The following TTC7B variants were observed in gnomAD, a reference collection of about 807,000 sequenced individuals.
The protein encoded by TTC7B is tetratricopeptide repeat domain 7B.
Under a neutral mutation model 106.8 loss-of-function variants are expected in TTC7B, and 28 were observed. The ratio of observed to expected loss-of-function variants is 0.26; its 90% CI spans 0.19 to 0.36. The LOEUF (loss-of-function observed/expected upper bound fraction) is 0.36, where lower values mean the gene tolerates loss of function less well. Ranked by LOEUF, TTC7B falls within the 10% of genes least tolerant of loss-of-function variation. The pLI, the probability that TTC7B is intolerant of heterozygous loss-of-function variation, is 1.00. For missense variants in TTC7B, 862 were observed against 1,076.4 expected, an observed-to-expected ratio of 0.80 and a Z score of 2.79; for synonymous variants, 405 against 430.6, an observed-to-expected ratio of 0.94 and a Z score of 0.74.
intron 15 of TTC7B, among the ~76,000 whole-genome samples, chr14:90,619,035 C>T (rs1893202148): frequency 6.6e-6 from 1 of 152,188 alleles, no homozygotes; most frequent in South Asian, 2.1e-4. Flanking sequence ...TCCTGAGTAG[C>T]TGGGATTACA....
chr14:90,594,963 G>A (rs1487151175), intron 17 of TTC7B, among the ~76,000 whole-genome samples: 2 of 152,212 alleles, frequency 1.3e-5, no homozygotes, highest in Non-Finnish European at 2.9e-5. Flanking sequence ...TGCCCACAAG[G>A]ACGACCAAGA....
rs1240960501 is a variant in TTC7B, at chr14:90,526,096, A to C, written c.*15272T>G. ...AATTCTATGTCTAACTTTTTAAGAA[A>C]CTGCCAAACTGTTTTCCAAAGTGGC... is the stretch of plus-strand genomic sequence containing the variant. On this transcript the variant is annotated 3_prime_UTR_variant, in exon 20 of 20. Coordinates refer to ENST00000328459, the MANE Select transcript of TTC7B (RefSeq NM_001010854.2). 1 of 152,204 alleles carries C rather than the reference A, an allele frequency of 6.6e-6. No homozygotes were observed. Among genetic ancestry groups the C allele is most frequent in the Non-Finnish European group, 1.5e-5 (1 of 68,038 alleles). The allele number at this position is 152,204 out of a possible 1,614,324, so 9.4% of individuals were successfully genotyped here.
At chr14:90,658,473 T>C in intron 9 of TTC7B, 86 bp from the exon 10 acceptor site, 3 of 1,270,598 alleles carry the variant, frequency 2.4e-6, no homozygotes, top group Non-Finnish European at 3.4e-6. Context: ...CTATGCACAC[T>C]AAGGTAAGTC....
chr14:90,649,535 C>A (rs1168448754), intron 13 of TTC7B, among the ~76,000 whole-genome samples: 2 of 152,146 alleles, frequency 1.3e-5, no homozygotes, highest in Non-Finnish European at 2.9e-5. Flanking sequence ...TCTAAAGCAG[C>A]CTCATAAACT....
At chr14:90,686,371 C>G (rs938214422) in intron 7 of TTC7B, among the ~76,000 whole-genome samples, 10 of 152,186 alleles carry the variant, frequency 6.6e-5, no homozygotes, top group African/African-American at 2.4e-4. Flanking sequence ...GAACACCATA[C>G]TCTGTGAAAG....
intron 3 of TTC7B, among the ~76,000 whole-genome samples, chr14:90,778,902 C>T (rs867947230): frequency 5.9e-5 from 9 of 152,232 alleles, no homozygotes; most frequent in Non-Finnish European, 1.0e-4. Context: ...CTTCACAAAG[C>T]TCTTAACAAG....
chr14:90,647,714 C>T lies in TTC7B; in HGVS notation c.1518-691G>A, dbSNP rs148522698. On this transcript the variant is annotated intron_variant, in intron 13 of 19. Coordinates refer to ENST00000328459, the MANE Select transcript of TTC7B (RefSeq NM_001010854.2). ...TACTGGCCTCCTAGCTGATTGCAAA[C>T]GTGGTCTTCTCTGCTTCTATGTGGA... Among the ~76,000 whole-genome samples the T allele has an allele frequency of 2.7e-4, 41 of 152,258 alleles. No homozygotes were observed. The South Asian group carries it at 4.6e-3, about 17-fold the overall frequency.
chr14:90,689,612 T>C lies in TTC7B; in HGVS notation c.878A>G (p.Asp293Gly). ...EDPPCQSPLDDPLRKGANTKT... is the reference protein window; with the variant it reads ...EDPPCQSPLDGPLRKGANTKT... ...TGTGTTTGCTCCTTTGCGGAGAGGATCGTCCAGAGGTGACTGGCACGGTGG... is the reference window on the plus strand; with the variant it reads ...TGTGTTTGCTCCTTTGCGGAGAGGACCGTCCAGAGGTGACTGGCACGGTGG... Residue 293 changes from aspartate (D) to glycine (G), a missense_variant, in exon 7 of 20, where the codon GAT becomes GGT. Asp to Gly is a moderately conservative substitution (Grantham distance 94). Coordinates refer to ENST00000328459, the MANE Select transcript of TTC7B (RefSeq NM_001010854.2). 1 of 1,614,148 alleles carries C rather than the reference T, an allele frequency of 6.2e-7. No individual in the cohort carries two copies.
chr14:90,780,929 A>G (rs1420617581), intron 2 of TTC7B, 23 bp from the exon 3 acceptor site: 1 of 1,612,158 alleles, frequency 6.2e-7, no homozygotes, highest in Admixed American at 1.7e-5. Context: ...GGAGAGAAAG[A>G]AAAGCATTTT....
rs549862550 is a variant in TTC7B, at chr14:90,767,890, G to A, written c.445+12848C>T. Among the ~76,000 whole-genome samples, 11 of 152,248 alleles carry A rather than the reference G, an allele frequency of 7.2e-5. No individual in the cohort carries two copies. The East Asian group carries it at 1.9e-3, about 27-fold the overall frequency. On this transcript the variant is annotated intron_variant, in intron 3 of 19. Coordinates refer to ENST00000328459, the MANE Select transcript of TTC7B (RefSeq NM_001010854.2). ...TGACTGAAAACTTTTGAAATTTGGT[G>A]AAAGATATTAAGTGAAAAGTACAAT... is the stretch of plus-strand genomic sequence containing the variant.
chr14:90,560,830 G>A (rs1418661509), intron 19 of TTC7B, among the ~76,000 whole-genome samples: 1 of 152,240 alleles, frequency 6.6e-6, no homozygotes, highest in Non-Finnish European at 1.5e-5. Flanking sequence ...AGGAAGGTGA[G>A]ATTCTAGCTG....
chr14:90,809,185 G>A (rs55824878), intron 1 of TTC7B, among the ~76,000 whole-genome samples: 1,719 of 152,278 alleles, frequency 0.011, 37 homozygotes, highest in African/African-American at 0.04. Flanking sequence ...CACAGCTCCA[G>A]GCCTCAAAGA....
At chr14:90,712,105 T>C (rs1375193713) in intron 5 of TTC7B, among the ~76,000 whole-genome samples, 2 of 152,226 alleles carry the variant, frequency 1.3e-5, no homozygotes, top group East Asian at 3.8e-4. Flanking sequence ...AGTGTGGCTA[T>C]ATTAATACCT....
intron 9 of TTC7B, among the ~76,000 whole-genome samples, chr14:90,669,583 A>G (rs1886554329): frequency 6.6e-6 from 1 of 151,898 alleles, no homozygotes; most frequent in Admixed American, 6.6e-5. Flanking sequence ...ATAGCTGACC[A>G]GAGTTTATTA....
chr14:90,777,897 G>A (rs28664979), intron 3 of TTC7B, among the ~76,000 whole-genome samples: 41,054 of 152,064 alleles, frequency 0.27, 9,046 homozygotes, highest in African/African-American at 0.61. Context: ...ACTATGTGTC[G>A]GCACTGTAGA....
intron 1 of TTC7B, 145 bp downstream of exon 1, chr14:90,816,030 T>C: frequency 3.2e-6 from 3 of 932,012 alleles, no homozygotes; most frequent in Non-Finnish European, 2.6e-6. Context: ...CAGGCCCCGG[T>C]CCCGCGCACA....
intron 12 of TTC7B, among the ~76,000 whole-genome samples, 192 bp downstream of exon 12, chr14:90,654,801 C>T (rs1263251677): frequency 6.6e-6 from 1 of 152,188 alleles, no homozygotes; most frequent in African/African-American, 2.4e-5. Context: ...GGGCCTTCCT[C>T]CCTGCCCTCC....
chr14:90,681,899 G>GCT (rs1328052134), intron 7 of TTC7B, among the ~76,000 whole-genome samples: 20 of 152,214 alleles, frequency 1.3e-4, no homozygotes, highest in South Asian at 6.2e-4. Context: ...GTGTATGTGT[G>GCT]TGTGCATGTA....
In TTC7B at chr14:90,804,864, G is replaced by T. The variant is rs79407478; in HGVS notation, c.121+11311C>A. Reference sequence around the variant, plus strand: ...CACAGCAAAAGGGCTGAGCCCATCTGCATTTGCGGAGAGATGAGGACCACA... The same window carrying T: ...CACAGCAAAAGGGCTGAGCCCATCTTCATTTGCGGAGAGATGAGGACCACA... On this transcript the variant is annotated intron_variant, in intron 1 of 19. Coordinates refer to ENST00000328459, the MANE Select transcript of TTC7B (RefSeq NM_001010854.2). Among the ~76,000 whole-genome samples the T allele has an allele frequency of 1.2e-4, 19 of 152,338 alleles. No individual in the cohort carries two copies. The East Asian group carries it at 3.5e-3, about 28-fold the overall frequency.
Sources: gnomAD v4.1 joint callset for allele counts (sites outside exome capture counted in the v4.1 genomes callset) on GRCh38, gnomAD v4.1.1 for gene constraint, MANE v1.5 for transcripts, NCBI Gene and HGNC (gene_info 2026-07-23, HGNC 2026-07-21) for gene names.